HEATR6: variants seen among roughly 807,000 people sequenced by gnomAD.
HEATR6 encodes the protein HEAT repeat containing 6, also known as HEAT repeat-containing protein 6.
In HEATR6, 106 loss-of-function variants were observed where a neutral mutation model predicts 132.8. The ratio of observed to expected loss-of-function variants is 0.80; its 90% CI spans 0.68 to 0.94. The LOEUF (loss-of-function observed/expected upper bound fraction) is 0.94. HEATR6 is among the 40% of genes least tolerant of loss of function. The pLI, the probability that HEATR6 is intolerant of heterozygous loss-of-function variation, is 0.00. For synonymous variants in HEATR6, 529 were observed against 537.8 expected (o/e 0.98, Z 0.23); for missense variants, 1,339 against 1,425.1 (o/e 0.94, Z 0.97).
chr17:60,053,235 C>T (rs1906641477), intron 14 of HEATR6, among the ~76,000 whole-genome samples: 1 of 152,180 alleles, frequency 6.6e-6, no homozygotes, highest in African/African-American at 2.4e-5. Flanking sequence ...CCATGTGACA[C>T]ACCTACTCCC....
chr17:60,077,508 C>T (rs2083302700), intron 1 of HEATR6, among the ~76,000 whole-genome samples: 1 of 152,228 alleles, frequency 6.6e-6, no homozygotes, highest in South Asian at 2.1e-4. Flanking sequence ...TAATGACATA[C>T]ACTATTATTC....
intron 14 of HEATR6, among the ~76,000 whole-genome samples, chr17:60,054,053 C>T (rs137856814): frequency 1.6e-4 from 24 of 152,294 alleles, no homozygotes; most frequent in African/African-American, 4.3e-4. Context: ...TTTGAGGCAA[C>T]CCCTCCCATC....
chr17:60,078,664 C>G (rs1568654886), intron 1 of HEATR6, 32 bp downstream of exon 1: 6 of 1,509,060 alleles, frequency 4.0e-6, no homozygotes, highest in Non-Finnish European at 5.3e-6. Context: ...GGGGTGGGGC[C>G]GGGGCCGGGG....
chr17:60,045,923 A>C lies in HEATR6; in HGVS notation c.2974+102T>G. 4.5e-6 allele frequency: 4 copies of C among 887,598 alleles called. No homozygotes were observed. In the Middle Eastern group the frequency reaches 6.8e-4, roughly 151 times the overall value. The allele number at this position is 887,598 out of a possible 1,614,324, so 55.0% of individuals were successfully genotyped here. On this transcript the variant is annotated intron_variant, in intron 19 of 19. Transcript: ENST00000184956. ...TTCAGTATGTCTCCATTTTTTCCTAATACTATGACAAATAACATGTGACAA... is the reference window on the plus strand; with the variant it reads ...TTCAGTATGTCTCCATTTTTTCCTACTACTATGACAAATAACATGTGACAA...
At chr17:60,074,133 T>C (rs1407275079) in intron 2 of HEATR6, 4 of 1,208,656 alleles carry the variant, frequency 3.3e-6, no homozygotes, top group Non-Finnish European at 4.1e-6. Context: ...CTTGTAACTT[T>C]TCCTTGAACT....
At chr17:60,067,323 C>G (rs1359097110) in intron 8 of HEATR6, 111 bp downstream of exon 8, 1 of 674,116 alleles carries the variant, frequency 1.5e-6, no homozygotes. Context: ...AACACCATGC[C>G]CCCCAGAAAT....
At chr17:60,056,729 T>C (rs1906754492) in intron 12 of HEATR6, among the ~76,000 whole-genome samples, 1 of 151,794 alleles carries the variant, frequency 6.6e-6, no homozygotes, top group African/African-American at 2.4e-5. Context: ...AACATTTAAG[T>C]TGCAAAAATC....
At chr17:60,078,638 C>T in intron 1 of HEATR6, 58 bp downstream of exon 1, 1 of 1,376,968 alleles carries the variant, frequency 7.3e-7, no homozygotes, top group African/African-American at 1.4e-5. Flanking sequence ...CAGAGGCCAC[C>T]AGCTGGGTTC....
At chr17:60,058,406 G>A (rs1402127324) in intron 11 of HEATR6, among the ~76,000 whole-genome samples, 1 of 152,184 alleles carries the variant, frequency 6.6e-6, no homozygotes, top group Admixed American at 6.5e-5. Context: ...TCAGATACTT[G>A]AAAGGAAACT....
intron 5 of HEATR6, among the ~76,000 whole-genome samples, chr17:60,071,668 A>G (rs942581460): frequency 6.6e-6 from 1 of 152,210 alleles, no homozygotes; most frequent in Non-Finnish European, 1.5e-5. Flanking sequence ...AAAGTTACAA[A>G]ACAGCATGTT....
rs1368886113 is a variant in HEATR6, at chr17:60,046,178, G to A, written c.2821C>T (p.Pro941Ser). The A allele has an allele frequency of 1.4e-5, 23 of 1,613,760 alleles. No homozygotes were observed. Among genetic ancestry groups the A allele is most frequent in the Non-Finnish European group, 1.9e-5 (23 of 1,179,910 alleles). ...AATGTGGGTTTTTCTATATGAGAGG[G>A]TTGCAGAAAATGAAGCAAATTTCCA... ...ALGNLLHFLQ[P>S]SHIEKPTFAE... The change falls in exon 19 of 20, where the codon CCC becomes TCC. Residue 941 changes from proline to serine, a missense_variant. By Grantham distance (74) the Pro-to-Ser change is moderately conservative (BLOSUM62 -1). Coordinates refer to ENST00000184956, the MANE Select transcript of HEATR6 (RefSeq NM_022070.5).
At chr17:60,058,199 TG>T (rs1906817766) in intron 11 of HEATR6, among the ~76,000 whole-genome samples, 1 of 152,238 alleles carries the variant, frequency 6.6e-6, no homozygotes, top group African/African-American at 2.4e-5. Context: ...TAGATCAAGT[TG>T]GGAAGAAGTA....
rs559052830 is a variant in HEATR6, at chr17:60,041,091, C to T, written c.*2472G>A. 5.3e-5 allele frequency among the ~76,000 whole-genome samples: 8 copies of T among 152,330 alleles called. No homozygotes were observed. The East Asian group carries it at 1.2e-3, about 22-fold the overall frequency. On this transcript the variant is annotated 3_prime_UTR_variant, in exon 20 of 20. Transcript: ENST00000184956. ...CACAGCAGCTTTATGGAGGCACGTG[C>T]CCAGGCATATGAGGAGCTTCTGTCC...
At position 60,048,996 on chromosome 17, in the gene HEATR6, A is replaced by AACG. The variant is rs1568608491; in HGVS notation, c.2547+583_2547+584insCGT. Among the ~76,000 whole-genome samples, 208 of 133,178 alleles carry AACG rather than the reference A, an allele frequency of 1.6e-3. 7 individuals carry two copies. Among genetic ancestry groups the AACG allele is most frequent in the African/African-American group, 5.9e-3 (198 of 33,540 alleles). The allele number at this position is 133,178 out of a possible 152,430, so 87.4% of individuals were successfully genotyped here. On this transcript the variant is annotated intron_variant, in intron 16 of 19. Transcript: ENST00000184956. ...ACATATATATATAATATATATATAT[A>AACG]TATATATATATATATATATATATGG...
intron 18 of HEATR6, 44 bp from the exon 19 acceptor site, chr17:60,046,273 G>C (rs1229281375): frequency 1.3e-6 from 2 of 1,490,220 alleles, no homozygotes; most frequent in East Asian, 4.6e-5. Flanking sequence ...TGGCCAAAGA[G>C]ATGTTTCCAA....
chr17:60,067,578 C>T lies in HEATR6; in HGVS notation c.1094G>A (p.Gly365Asp). Residue 365 changes from glycine to aspartate, a missense_variant, in exon 8 of 20, where the codon GGT becomes GAT. Transcript: ENST00000184956. ...EGNTWCPSSL[G>D]VQSLPLDGSG... ...TCCATCTAAAGGCAAACTCTGGACA[C>T]CCAGGGAGGAGGGACACCAAGTGTT... is the stretch of plus-strand genomic sequence containing the variant. 1 of 1,613,450 alleles carries T rather than the reference C, an allele frequency of 6.2e-7. No individual in the cohort carries two copies. The highest frequency in any genetic ancestry group is 8.5e-7 in the Non-Finnish European group (1 of 1,179,722).
intron 16 of HEATR6, among the ~76,000 whole-genome samples, chr17:60,049,122 A>AGAGTGTGT (rs1555667027): frequency 3.7e-5 from 5 of 134,816 alleles, no homozygotes; most frequent in Admixed American, 7.5e-5. Flanking sequence ...AGAGACAGAG[A>AGAGTGTGT]GTGTGTGTGT....
Position 60,043,587 on chromosome 17 carries a change from T to G in HEATR6, c.3522A>C (p.Ala1174=). Residue 1174 remains alanine, a synonymous_variant, in exon 20 of 20, where the codon GCA becomes GCC. Transcript: ENST00000184956. ...TTCACTGATTTGTTAACCCTGGGAGTGCCCCTTGTGATCCAGATGAGTCAA... is the reference window on the plus strand; with the variant it reads ...TTCACTGATTTGTTAACCCTGGGAGGGCCCCTTGTGATCCAGATGAGTCAA... ...VCFDSSGSQG[A]LPGLTNQ 1 of 1,612,928 alleles carries G rather than the reference T, an allele frequency of 6.2e-7. No individual in the cohort carries two copies. The highest frequency in any genetic ancestry group is 8.5e-7 in the Non-Finnish European group (1 of 1,179,166).
intron 2 of HEATR6, chr17:60,074,171 C>A (rs973248326): frequency 8.9e-7 from 1 of 1,127,976 alleles, no homozygotes; most frequent in African/African-American, 1.6e-5. Flanking sequence ...TGTGAATACA[C>A]AGATATGAGT....
Sources: gnomAD v4.1 joint callset for allele counts (sites outside exome capture counted in the v4.1 genomes callset) on GRCh38, gnomAD v4.1.1 for gene constraint, MANE v1.5 for transcripts, NCBI Gene and HGNC (gene_info 2026-07-23, HGNC 2026-07-21) for gene names.